PPP1R16A: variants seen among roughly 807,000 people sequenced by gnomAD.
The protein encoded by PPP1R16A is protein phosphatase 1 regulatory subunit 16A.
Under a neutral mutation model 46.6 loss-of-function variants are expected in PPP1R16A, and 39 were observed. That is an observed-to-expected ratio of 0.84 (90% CI 0.65 to 1.09). PPP1R16A has a LOEUF of 1.09. Ranked by LOEUF, PPP1R16A falls within the 50% of genes least tolerant of loss-of-function variation. The pLI is 0.00. For synonymous variants in PPP1R16A, 413 were observed against 321.5 expected, an observed-to-expected ratio of 1.28 and a Z score of -3.04; for missense variants, 798 against 735.6, an observed-to-expected ratio of 1.08 and a Z score of -0.98.
In PPP1R16A at chr8:144,501,053, G is replaced by C. The variant is rs543057022; in HGVS notation, c.1038-76G>C. Reference sequence around the variant, plus strand: ...CGGGCGGAGTGCCAGCCGAACTGGGGGCAGAGTCCGAGGGGGTGGGCGGGG... The same window carrying C: ...CGGGCGGAGTGCCAGCCGAACTGGGCGCAGAGTCCGAGGGGGTGGGCGGGG... On this transcript the variant is annotated intron_variant, in intron 10 of 11. Coordinates refer to ENST00000435887, the MANE Select transcript of PPP1R16A (RefSeq NM_001329443.2). 1.5e-4 allele frequency: 237 copies of C among 1,537,688 alleles called. No homozygotes were observed. The African/African-American group carries it at 3.0e-3, about 19-fold the overall frequency.
intron 2 of PPP1R16A, chr8:144,496,237 C>G (rs1826059989): frequency 6.6e-6 from 1 of 152,340 alleles, no homozygotes; most frequent in African/African-American, 2.4e-5. Context: ...ATGCCTTTCC[C>G]CCGCCCCTCT....
intron 1 of PPP1R16A, among the ~76,000 whole-genome samples, chr8:144,481,289 C>T (rs1235073269): frequency 6.6e-6 from 1 of 152,196 alleles, no homozygotes; most frequent in Non-Finnish European, 1.5e-5. Context: ...CCCTTCCTCA[C>T]ACCCAGCCCA....
At position 144,497,393 on chromosome 8, in the gene PPP1R16A, G is replaced by A. The variant is rs1826126949; in HGVS notation, c.199G>A (p.Val67Ile). 1 of 1,613,076 alleles carries A rather than the reference G, an allele frequency of 6.2e-7. No homozygotes were observed. Among genetic ancestry groups the A allele is most frequent in the Non-Finnish European group, 8.5e-7 (1 of 1,180,020 alleles). The change falls in exon 3 of 12, where the codon GTC becomes ATC. Residue 67 changes from valine to isoleucine, a missense_variant. Val to Ile is a conservative substitution (Grantham distance 29). Transcript: ENST00000435887. ...AGCCAGCCAAGGGCTCCTGAAGCAG[G>A]TCCTCTTCCCTCCCAGTGTTGTCCT... ...EAASQGLLKQ[V>I]LFPPSVVLLE...
intron 1 of PPP1R16A, among the ~76,000 whole-genome samples, chr8:144,486,002 T>G (rs771333784): frequency 6.6e-6 from 1 of 152,164 alleles, no homozygotes; most frequent in Non-Finnish European, 1.5e-5. Flanking sequence ...ACTAGTGTGT[T>G]CCTTTGACTG....
intron 2 of PPP1R16A, among the ~76,000 whole-genome samples, chr8:144,491,154 C>T (rs1454592013): frequency 1.3e-5 from 2 of 152,196 alleles, no homozygotes; most frequent in African/African-American, 4.8e-5. Flanking sequence ...GGCAAGATAC[C>T]ATAGCCATTC....
In PPP1R16A at chr8:144,501,115, T is replaced by C. The variant is rs201590136; in HGVS notation, c.1038-14T>C. 341 of 1,609,818 alleles carry C rather than the reference T, an allele frequency of 2.1e-4. 1 individual carries two copies. In the Middle Eastern group the frequency reaches 2.3e-3, roughly 11 times the overall value. On this transcript the variant is annotated splice_polypyrimidine_tract_variant and intron_variant, in intron 10 of 11. Coordinates refer to ENST00000435887, the MANE Select transcript of PPP1R16A (RefSeq NM_001329443.2). ...CTCCCCTTCCCCTCACTCCCTCTCC[T>C]CTCTCCTCCCCAGGAAGGTGGTGAG...
At chr8:144,498,454 T>C (rs1370349683) in intron 3 of PPP1R16A, 1 of 400,614 alleles carries the variant, frequency 2.5e-6, no homozygotes, top group Non-Finnish European at 4.6e-6. Flanking sequence ...CAGGGAGCTC[T>C]TCCTGGGCTG....
chr8:144,488,978 C>T (rs1443687229), intron 1 of PPP1R16A, among the ~76,000 whole-genome samples: 1 of 151,186 alleles, frequency 6.6e-6, no homozygotes, highest in African/African-American at 2.4e-5. Context: ...CTGAGACAGG[C>T]GGATCACTTG....
Position 144,501,653 on chromosome 8 carries a change from C to T in PPP1R16A, c.1337C>T (p.Thr446Ile), listed in dbSNP as rs747777499. ...CCCCTGGACAGCACCACCCCCCACA[C>T]CCTGGTCCACGACAAGGCCCACCAC... is the stretch of plus-strand genomic sequence containing the variant. ...LSPLDSTTPHTLVHDKAHHTL... is the reference protein window; with the variant it reads ...LSPLDSTTPHILVHDKAHHTL... Residue 446 changes from threonine (T) to isoleucine (I), a missense_variant, in exon 12 of 12, where the codon ACC (threonine) becomes ATC (isoleucine). Physicochemically the swap from Thr to Ile is moderately conservative, Grantham distance 89. Coordinates refer to ENST00000435887, the MANE Select transcript of PPP1R16A (RefSeq NM_001329443.2). The T allele has an allele frequency of 3.7e-6, 6 of 1,610,834 alleles. No homozygotes were observed. Among genetic ancestry groups the T allele is most frequent in the Middle Eastern group, 3.3e-4 (2 of 6,080 alleles).
chr8:144,486,639 C>T (rs1825637688), intron 1 of PPP1R16A, among the ~76,000 whole-genome samples: 2 of 152,172 alleles, frequency 1.3e-5, no homozygotes, highest in Non-Finnish European at 2.9e-5. Flanking sequence ...GACGCATTTG[C>T]CATCTGTGTA....
Position 144,487,684 on chromosome 8 carries a change from A to G in PPP1R16A, c.-913-2350A>G, listed in dbSNP as rs150417069. On this transcript the variant is annotated intron_variant, in intron 1 of 11. Transcript: ENST00000435887. ...CTCATCTGGCAATTTTCTGGACTCA[A>G]CCGTATTCCATTGGTTTATTTCTCT... is the stretch of plus-strand genomic sequence containing the variant. Among the ~76,000 whole-genome samples the G allele has an allele frequency of 2.9e-3, 435 of 152,314 alleles. 1 individual carries two copies. The highest frequency in any genetic ancestry group is 9.9e-3 in the African/African-American group (413 of 41,586).
chr8:144,480,631 C>T (rs1564756429), intron 1 of PPP1R16A, among the ~76,000 whole-genome samples: 1 of 152,070 alleles, frequency 6.6e-6, no homozygotes, highest in Admixed American at 6.6e-5. Context: ...GGACTACAGG[C>T]GCATGCCACC....
chr8:144,501,466 G>A (rs1380751761), intron 11 of PPP1R16A, 54 bp from the exon 12 acceptor site: 1 of 1,487,540 alleles, frequency 6.7e-7, no homozygotes, highest in Non-Finnish European at 9.0e-7. Context: ...TGAACCCAAG[G>A]CCAGGGAGGG....
chr8:144,488,797 C>T (rs1418225611), intron 1 of PPP1R16A, among the ~76,000 whole-genome samples: 1 of 151,724 alleles, frequency 6.6e-6, no homozygotes, highest in African/African-American at 2.4e-5. Context: ...AGGCCTCAGC[C>T]AGGAGCACAG....
At chr8:144,483,175 G>A (rs1337164309) in intron 1 of PPP1R16A, among the ~76,000 whole-genome samples, 8 of 152,152 alleles carry the variant, frequency 5.3e-5, no homozygotes, top group African/African-American at 1.4e-4. Flanking sequence ...GTTCTGTAAC[G>A]ATGTTCACAT....
chr8:144,478,519 G>A (rs2721199), intron 1 of PPP1R16A: 3,746 of 182,880 alleles, frequency 0.02, 145 homozygotes, highest in African/African-American at 0.077. Context: ...GTTCCAAGGC[G>A]AAGGTGTGTG....
rs763514165 is a variant in PPP1R16A at position 144,501,614 on chromosome 8, C to A, written c.1298C>A (p.Ser433Tyr). The A allele has an allele frequency of 6.2e-7, 1 of 1,609,832 alleles. No homozygotes were observed. The highest frequency in any genetic ancestry group is 1.3e-5 in the African/African-American group (1 of 74,750). ...LYSKRLDRSV[S>Y]YQLSPLDSTT... ...TCCAAGCGACTAGACCGGAGTGTCT[C>A]CTACCAGCTGAGCCCCCTGGACAGC... The change falls in exon 12 of 12, where the codon TCC becomes TAC. Residue 433 changes from serine to tyrosine, a missense_variant. Coordinates refer to ENST00000435887, the MANE Select transcript of PPP1R16A (RefSeq NM_001329443.2).
Position 144,498,398 on chromosome 8 carries a change from G to A in PPP1R16A, c.260-372G>A, listed in dbSNP as rs539922868. 6.4e-4 allele frequency: 209 copies of A among 328,242 alleles called. 2 individuals carry two copies. In the South Asian group the frequency reaches 6.4e-3, roughly 10 times the overall value. The allele number at this position is 328,242 out of a possible 1,614,324, so 20.3% of individuals were successfully genotyped here. On this transcript the variant is annotated intron_variant, in intron 3 of 11. Coordinates refer to ENST00000435887, the MANE Select transcript of PPP1R16A (RefSeq NM_001329443.2). ...CAGGAGAGCTCATGAACACAGGGCT[G>A]GCAGGTTGTCAGGGAAGAGCCGAAG...
chr8:144,486,174 T>TC (rs1245206342), intron 1 of PPP1R16A, among the ~76,000 whole-genome samples: 2 of 152,236 alleles, frequency 1.3e-5, no homozygotes, highest in Non-Finnish European at 2.9e-5. Flanking sequence ...AGACAGAGCC[T>TC]CACACTGTTG....
Sources: gnomAD v4.1 joint callset for allele counts (sites outside exome capture counted in the v4.1 genomes callset) on GRCh38, gnomAD v4.1.1 for gene constraint, MANE v1.5 for transcripts, NCBI Gene and HGNC (gene_info 2026-07-23, HGNC 2026-07-21) for gene names.